SNAP25: variants seen among roughly 807,000 people sequenced by gnomAD.
SNAP25 encodes synaptosomal-associated protein 25.
A neutral mutation model predicts 28.7 loss-of-function variants in SNAP25; 3 were observed. The ratio of observed to expected loss-of-function variants is 0.10; its 90% CI spans 0.05 to 0.27. The LOEUF is 0.27. Ranked by LOEUF, SNAP25 falls within the 10% of genes least tolerant of loss-of-function variation. SNAP25 has a pLI of 1.00. For missense variants in SNAP25, 117 were observed against 278.7 expected (o/e 0.42, Z 4.13); for synonymous variants, 61 against 88.1 (o/e 0.69, Z 1.72).
intron 1 of SNAP25, among the ~76,000 whole-genome samples, chr20:10,269,911 G>A (rs554357942): frequency 2.6e-5 from 4 of 152,176 alleles, no homozygotes; most frequent in Non-Finnish European, 4.4e-5. Context: ...CTAACTTCCC[G>A]AAAGCCCCTG....
chr20:10,286,212 C>T (rs2063875336), intron 4 of SNAP25, among the ~76,000 whole-genome samples: 1 of 152,220 alleles, frequency 6.6e-6, no homozygotes, highest in South Asian at 2.1e-4. Context: ...CAATATAATA[C>T]ATGAGGTAGA....
intron 1 of SNAP25, among the ~76,000 whole-genome samples, chr20:10,224,487 G>T (rs1221392144): frequency 6.6e-6 from 1 of 151,542 alleles, no homozygotes; most frequent in Non-Finnish European, 1.5e-5. Context: ...GACTAATGAT[G>T]TCCAATATCC....
At chr20:10,268,647 C>A (rs75866577) in intron 1 of SNAP25, among the ~76,000 whole-genome samples, 1 of 152,152 alleles carries the variant, frequency 6.6e-6, no homozygotes, top group Non-Finnish European at 1.5e-5. Flanking sequence ...TCAGCAGGAA[C>A]GCATTTTTAC....
chr20:10,257,576 G>A (rs1012264814), intron 1 of SNAP25, among the ~76,000 whole-genome samples: 3 of 152,208 alleles, frequency 2.0e-5, no homozygotes, highest in Admixed American at 6.5e-5. Flanking sequence ...GCTGGGTGTG[G>A]TGGTGCATGT....
In SNAP25 at chr20:10,301,688, T is replaced by C. The variant is rs1184644226; in HGVS notation, c.552+2276T>C. Among the ~76,000 whole-genome samples the C allele has an allele frequency of 2.0e-5, 3 of 152,042 alleles. No homozygotes were observed. The East Asian group carries it at 5.8e-4, about 29-fold the overall frequency. ...AACCTTTACCCAGCTCTATCAATCA[T>C]GATCTTTTCTCATCACTTGGATCAA... On this transcript the variant is annotated intron_variant, in intron 7 of 7. Coordinates refer to ENST00000254976, the MANE Select transcript of SNAP25 (RefSeq NM_130811.4).
intron 4 of SNAP25, among the ~76,000 whole-genome samples, chr20:10,285,500 C>T (rs1290023779): frequency 2.0e-5 from 3 of 152,122 alleles, no homozygotes; most frequent in East Asian, 1.9e-4. Flanking sequence ...TACCTGATTC[C>T]GTTCTGAATT....
chr20:10,221,580 C>T (rs2062635232), intron 1 of SNAP25, among the ~76,000 whole-genome samples: 1 of 152,142 alleles, frequency 6.6e-6, no homozygotes, highest in Non-Finnish European at 1.5e-5. Flanking sequence ...ACTGCATTAC[C>T]ACCTCAGTGT....
chr20:10,256,977 A>T (rs1426226618), intron 1 of SNAP25, among the ~76,000 whole-genome samples: 11 of 152,268 alleles, frequency 7.2e-5, no homozygotes, highest in Non-Finnish European at 1.6e-4. Flanking sequence ...AAATTTATGT[A>T]TATGCAGGCA....
chr20:10,251,356 AC>A (rs2063223564), intron 1 of SNAP25, among the ~76,000 whole-genome samples: 1 of 152,170 alleles, frequency 6.6e-6, no homozygotes, highest in African/African-American at 2.4e-5. Context: ...ATACCTGAGA[AC>A]CACACAGGAG....
chr20:10,298,902 T>C (rs539293180), intron 6 of SNAP25, among the ~76,000 whole-genome samples: 130 of 152,312 alleles, frequency 8.5e-4, no homozygotes, highest in South Asian at 5.0e-3. Flanking sequence ...AAGAAGAATA[T>C]CGTTTCTAAT....
rs2103614 is a variant in SNAP25, at chr20:10,281,414, G to A, written c.115-3310G>A. 7.8e-3 allele frequency among the ~76,000 whole-genome samples: 1,191 copies of A among 152,256 alleles called. 19 individuals are homozygous for A. The highest frequency in any genetic ancestry group is 0.027 in the African/African-American group (1,111 of 41,546). ...TGTCAGCAAAAGAGTGGAGCCAAAC[G>A]CAAGTTCTAACATGTACCGAGGTGA... On this transcript the variant is annotated intron_variant, in intron 3 of 7. Transcript: ENST00000254976.
intron 1 of SNAP25, among the ~76,000 whole-genome samples, chr20:10,245,800 T>C (rs2063117300): frequency 6.6e-6 from 1 of 152,244 alleles, no homozygotes; most frequent in South Asian, 2.1e-4. Context: ...ACTTGCTTAT[T>C]TGTCACTGCA....
intron 1 of SNAP25, among the ~76,000 whole-genome samples, chr20:10,243,719 C>G (rs961999498): frequency 1.3e-5 from 2 of 152,166 alleles, no homozygotes; most frequent in African/African-American, 4.8e-5. Flanking sequence ...ATCCATATGA[C>G]ATTACTGGTA....
intron 4 of SNAP25, among the ~76,000 whole-genome samples, chr20:10,291,411 G>A (rs376368869): frequency 9.2e-5 from 14 of 151,936 alleles, no homozygotes; most frequent in African/African-American, 3.4e-4. Flanking sequence ...CCATCACTGT[G>A]CCTGTATTTA....
chr20:10,263,908 A>G (rs777915113), intron 1 of SNAP25, among the ~76,000 whole-genome samples: 1 of 152,018 alleles, frequency 6.6e-6, no homozygotes, highest in Non-Finnish European at 1.5e-5. Flanking sequence ...ATGAGACAAG[A>G]TTGGGGCCCC....
chr20:10,307,247 A>G lies in SNAP25; in HGVS notation c.*1050A>G, dbSNP rs1356042087. 6.6e-6 allele frequency: 1 copy of G among 152,660 alleles called. No individual in the cohort carries two copies. Among genetic ancestry groups the G allele is most frequent in the Non-Finnish European group, 1.5e-5 (1 of 68,044 alleles). 9.5% of individuals were successfully genotyped at this position (152,660 alleles called of 1,614,324 possible). ...TGCACACCAAATTGCTGAGATGTTT[A>G]GTAGCTGATAAAGAAACCTTTTAAA... On this transcript the variant is annotated 3_prime_UTR_variant, in exon 8 of 8. Coordinates refer to ENST00000254976, the MANE Select transcript of SNAP25 (RefSeq NM_130811.4).
At chr20:10,257,646 G>T (rs192435353) in intron 1 of SNAP25, among the ~76,000 whole-genome samples, 11 of 151,304 alleles carry the variant, frequency 7.3e-5, no homozygotes, top group African/African-American at 2.7e-4. Context: ...AGGAGGCAGA[G>T]GTTGCAGTGA....
At chr20:10,253,964 C>T (rs899262589) in intron 1 of SNAP25, among the ~76,000 whole-genome samples, 1 of 152,166 alleles carries the variant, frequency 6.6e-6, no homozygotes, top group African/African-American at 2.4e-5. Flanking sequence ...CTCCTCCTCC[C>T]ACAGAGCCCA....
chr20:10,226,375 T>G (rs2062734104), intron 1 of SNAP25, among the ~76,000 whole-genome samples: 1 of 152,212 alleles, frequency 6.6e-6, no homozygotes, highest in South Asian at 2.1e-4. Flanking sequence ...CCATGATCAC[T>G]GCCCATGTAT....
Sources: allele counts gnomAD v4.1 joint callset (sites outside exome capture counted in the v4.1 genomes callset), GRCh38; gene constraint gnomAD v4.1.1; transcripts MANE v1.5; gene names NCBI Gene and HGNC (gene_info 2026-07-23, HGNC 2026-07-21).